Variants in TLK1 observed in about 807,000 individuals in gnomAD.
TLK1 encodes serine/threonine-protein kinase tousled-like 1.
Under a neutral mutation model 105.3 loss-of-function variants are expected in TLK1, and 24 were observed. The observed-to-expected ratio is 0.23, with a 90% CI of 0.17 to 0.32. TLK1 has a LOEUF of 0.32. TLK1 is among the 10% of genes least tolerant of loss of function. The pLI is 1.00. For synonymous variants in TLK1, 321 were observed against 310.4 expected (o/e 1.03, Z -0.36); for missense variants, 558 against 910.5 (o/e 0.61, Z 4.98).
At chr2:171,105,532 A>C (rs1218946983) in intron 2 of TLK1, among the ~76,000 whole-genome samples, 3 of 152,152 alleles carry the variant, frequency 2.0e-5, no homozygotes, top group Non-Finnish European at 4.4e-5. Flanking sequence ...CTAAAAATAC[A>C]AAAATTAGAT....
chr2:171,156,424 T>G (rs1476657739), intron 1 of TLK1, among the ~76,000 whole-genome samples: 1 of 152,258 alleles, frequency 6.6e-6, no homozygotes, highest in Non-Finnish European at 1.5e-5. Flanking sequence ...AGAGCAAATA[T>G]TAGTAGATAT....
intron 3 of TLK1, chr2:171,066,912 G>A (rs1351706743): frequency 3.2e-6 from 5 of 1,548,788 alleles, no homozygotes; most frequent in Non-Finnish European, 4.4e-6. Context: ...GGTGGGGGTT[G>A]GGAAGTAACA....
At chr2:171,014,179 A>T (rs138784211) in intron 13 of TLK1, among the ~76,000 whole-genome samples, 3 of 152,326 alleles carry the variant, frequency 2.0e-5, no homozygotes, top group Non-Finnish European at 4.4e-5. Context: ...GCCATATGTC[A>T]GGCACTGGTC....
intron 10 of TLK1, among the ~76,000 whole-genome samples, chr2:171,047,572 CAAG>C (rs1395578140): frequency 6.6e-6 from 1 of 152,086 alleles, no homozygotes; most frequent in African/African-American, 2.4e-5. Flanking sequence ...AGAAAAATCT[CAAG>C]AATAGCAAAG....
At chr2:171,073,880 C>A (rs1013420581) in intron 3 of TLK1, among the ~76,000 whole-genome samples, 7 of 98,474 alleles carry the variant, frequency 7.1e-5, no homozygotes, top group African/African-American at 2.1e-4. Context: ...ATTCCCCCCC[C>A]CCCTCCTTTT....
chr2:170,991,172 A>AT lies in TLK1; in HGVS notation c.*2607dup, dbSNP rs1683765482. On this transcript the variant is annotated 3_prime_UTR_variant, in exon 21 of 21. Transcript: ENST00000431350. ...TTAAAATCATATGCAAAAACTGTTG[A>AT]TTTTACCCTACATCAGTGCTGACTC... The AT allele has an allele frequency of 6.6e-6, 1 of 152,188 alleles. No individual in the cohort carries two copies. Among genetic ancestry groups the AT allele is most frequent in the Non-Finnish European group, 1.5e-5 (1 of 68,028 alleles). 9.4% of individuals were successfully genotyped at this position (152,188 alleles called of 1,614,324 possible).
intron 11 of TLK1, among the ~76,000 whole-genome samples, chr2:171,033,351 A>G (rs1686141100): frequency 6.6e-6 from 1 of 152,168 alleles, no homozygotes; most frequent in African/African-American, 2.4e-5. Context: ...CATAAAAATT[A>G]AAAACATTAA....
intron 3 of TLK1, among the ~76,000 whole-genome samples, chr2:171,062,806 G>A (rs958101605): frequency 1.3e-5 from 2 of 152,104 alleles, no homozygotes; most frequent in African/African-American, 4.8e-5. Flanking sequence ...TACTGTTTAT[G>A]AATAAAACTC....
At chr2:171,021,782 G>T (rs1685520872) in intron 12 of TLK1, among the ~76,000 whole-genome samples, 1 of 152,038 alleles carries the variant, frequency 6.6e-6, no homozygotes, top group Non-Finnish European at 1.5e-5. Context: ...AAATTCCATT[G>T]CCTGTATAAC....
chr2:171,161,290 C>G (rs1013395487), upstream of TLK1, among the ~76,000 whole-genome samples: 23 of 151,940 alleles, frequency 1.5e-4, no homozygotes, highest in African/African-American at 5.6e-4. Context: ...CCACACCCAA[C>G]ACGGGGAGAA....
At position 171,186,424 on chromosome 2, in the gene TLK1, A is replaced by G. The variant is rs978843531; in HGVS notation, c.-6+44721T>C. On this transcript the variant is annotated intron_variant, in intron 1 of 20. Coordinates refer to the TLK1 transcript ENST00000521943. ...AGGGATGTTTGGGGAAATTTTCGTC[A>G]CAATGATGGGAGTAAAAGCCCTTGT... Among the ~76,000 whole-genome samples the G allele has an allele frequency of 2.6e-5, 4 of 152,340 alleles. No individual in the cohort carries two copies. The South Asian group carries it at 6.2e-4, about 24-fold the overall frequency.
chr2:171,074,505 A>G (rs1248108305), intron 3 of TLK1, among the ~76,000 whole-genome samples: 2 of 152,008 alleles, frequency 1.3e-5, no homozygotes, highest in African/African-American at 4.8e-5. Flanking sequence ...GTGGGTGCCT[A>G]CAATCCCAGC....
At chr2:171,027,723 A>C (rs1162349845) in intron 12 of TLK1, among the ~76,000 whole-genome samples, 5 of 152,248 alleles carry the variant, frequency 3.3e-5, no homozygotes, top group Non-Finnish European at 7.3e-5. Flanking sequence ...TTTTACCAAA[A>C]GGTAGTACTT....
At chr2:171,038,171 A>G (rs555418621) in intron 11 of TLK1, among the ~76,000 whole-genome samples, 1 of 152,328 alleles carries the variant, frequency 6.6e-6, no homozygotes, top group Admixed American at 6.5e-5. Context: ...ATATCTAGAC[A>G]CAGTAGTAAT....
chr2:171,117,074 G>A (rs1364103682), intron 2 of TLK1, among the ~76,000 whole-genome samples: 1 of 152,116 alleles, frequency 6.6e-6, no homozygotes, highest in Non-Finnish European at 1.5e-5. Context: ...TGGCACCCAG[G>A]ATCAGTTTCA....
At chr2:171,172,005 C>G (rs780521057) in intron 1 of TLK1, among the ~76,000 whole-genome samples, 12 of 152,022 alleles carry the variant, frequency 7.9e-5, no homozygotes, top group Non-Finnish European at 1.8e-4. Flanking sequence ...TGTAATAGCC[C>G]CAAACTAGAA....
chr2:171,063,358 A>T (rs1031225087), intron 3 of TLK1, among the ~76,000 whole-genome samples: 7 of 151,928 alleles, frequency 4.6e-5, no homozygotes, highest in Non-Finnish European at 1.0e-4. Context: ...AAACAAAAGA[A>T]CCCCAAGTCT....
chr2:171,037,954 T>C (rs972808065), intron 11 of TLK1, among the ~76,000 whole-genome samples: 2 of 152,206 alleles, frequency 1.3e-5, no homozygotes, highest in Non-Finnish European at 2.9e-5. Context: ...AAATGGCTGA[T>C]AGAATTCTTA....
chr2:171,071,950 G>C (rs979736324), intron 3 of TLK1, among the ~76,000 whole-genome samples: 3 of 152,118 alleles, frequency 2.0e-5, no homozygotes, highest in Non-Finnish European at 4.4e-5. Flanking sequence ...GTGTTTCACT[G>C]ATCTATGTGT....
Sources: gnomAD v4.1 joint callset for allele counts (sites outside exome capture counted in the v4.1 genomes callset) on GRCh38, gnomAD v4.1.1 for gene constraint, MANE v1.5 for transcripts, NCBI Gene and HGNC (gene_info 2026-07-23, HGNC 2026-07-21) for gene names.